The following PDE6B variants were observed in gnomAD, a reference collection of about 807,000 sequenced individuals.
PDE6B encodes the protein phosphodiesterase 6B, also known as rod cGMP-specific 3',5'-cyclic phosphodiesterase subunit beta.
A neutral mutation model predicts 109.0 loss-of-function variants in PDE6B; 106 were observed. The observed-to-expected ratio is 0.97, with a 90% CI of 0.83 to 1.14. The LOEUF (loss-of-function observed/expected upper bound fraction) is 1.14. Among genes scored for constraint, PDE6B ranks in the 50% most tolerant of loss-of-function variants. PDE6B has a pLI of 0.00. For missense variants in PDE6B, 1,193 were observed against 1,155.6 expected (o/e 1.03, Z -0.47); for synonymous variants, 490 against 471.3 (o/e 1.04, Z -0.51).
intron 3 of PDE6B, among the ~76,000 whole-genome samples, chr4:640,388 A>G (rs1307386593): frequency 3.3e-5 from 5 of 152,004 alleles, no homozygotes; most frequent in African/African-American, 1.2e-4. Flanking sequence ...AAAATATGAA[A>G]ATTAGCCAGG....
rs550337395 is a variant in PDE6B, at chr4:626,712, G to A, written c.468+618G>A. 8.5e-5 allele frequency among the ~76,000 whole-genome samples: 13 copies of A among 152,216 alleles called. No individual in the cohort carries two copies. Among genetic ancestry groups the A allele is most frequent in the Non-Finnish European group, 1.9e-4 (13 of 68,038 alleles). On this transcript the variant is annotated intron_variant, in intron 1 of 21. Transcript: ENST00000496514. This position sits in a 1 kb window ranked among gnomAD's most constrained non-coding sequence, Gnocchi z 4.6. ...CTGGGGAGGGACAAGAGACAGAATCGAGACAGGCTCACTGGAGTCACTGAA... is the reference window on the plus strand; with the variant it reads ...CTGGGGAGGGACAAGAGACAGAATCAAGACAGGCTCACTGGAGTCACTGAA...
At chr4:656,399 G>C in intron 8 of PDE6B, 107 bp downstream of exon 8, 1 of 818,748 alleles carries the variant, frequency 1.2e-6, no homozygotes, top group Non-Finnish European at 2.2e-6. Flanking sequence ...AACAACTTCA[G>C]CCAGGCATGG....
intron 3 of PDE6B, among the ~76,000 whole-genome samples, chr4:642,863 A>C (rs1301863744): frequency 1.3e-5 from 2 of 152,058 alleles, no homozygotes; most frequent in East Asian, 3.8e-4. Flanking sequence ...GGATTTTTCA[A>C]ATTTTTTTCT....
intron 3 of PDE6B, among the ~76,000 whole-genome samples, chr4:649,120 G>A (rs931273481): frequency 3.3e-5 from 5 of 152,236 alleles, no homozygotes; most frequent in Admixed American, 6.5e-5. Flanking sequence ...TCCGTCTGCC[G>A]TAGCGAAGCC....
At chr4:643,196 T>G (rs918780921) in intron 3 of PDE6B, among the ~76,000 whole-genome samples, 1 of 151,878 alleles carries the variant, frequency 6.6e-6, no homozygotes, top group African/African-American at 2.4e-5. Context: ...TAGTCCCAGC[T>G]ACTCAGGAGG....
At chr4:656,817 C>T (rs1462267705) in intron 8 of PDE6B, 57 bp from the exon 9 acceptor site, 62 of 1,579,968 alleles carry the variant, frequency 3.9e-5, no homozygotes, top group Non-Finnish European at 4.5e-5. Flanking sequence ...CCCGGCCACA[C>T]GCCCGGGCCA....
At chr4:657,065 C>A (rs769350787) in intron 9 of PDE6B, 42 bp downstream of exon 9, 2 of 1,598,550 alleles carry the variant, frequency 1.3e-6, no homozygotes, top group South Asian at 1.1e-5. Context: ...GGATGCCCTG[C>A]GAGGGGTGGG....
chr4:670,195 T>A lies in PDE6B; in HGVS notation c.*88T>A. 5 of 1,605,498 alleles carry A rather than the reference T, an allele frequency of 3.1e-6. No individual in the cohort carries two copies. The highest frequency in any genetic ancestry group is 4.3e-6 in the Non-Finnish European group (5 of 1,175,362). On this transcript the variant is annotated 3_prime_UTR_variant, in exon 22 of 22. Coordinates refer to ENST00000496514, the MANE Select transcript of PDE6B (RefSeq NM_000283.4). ...CCTGTGGCTATTTGCTACAAGAGGT[T>A]AGGAAGCCCAAGAAAATGACTGAAG...
At chr4:641,514 CCA>C (rs1194498356) in intron 3 of PDE6B, among the ~76,000 whole-genome samples, 4 of 152,238 alleles carry the variant, frequency 2.6e-5, no homozygotes, top group African/African-American at 9.6e-5. Context: ...ACCGTCACAG[CCA>C]CACTTTTAAA....
intron 3 of PDE6B, among the ~76,000 whole-genome samples, chr4:645,570 C>T (rs1439458982): frequency 6.6e-6 from 1 of 151,944 alleles, no homozygotes; most frequent in Non-Finnish European, 1.5e-5. Context: ...GCTGGGATTA[C>T]AGGCGTGAGC....
At position 625,769 on chromosome 4, in the gene PDE6B, G is replaced by A. The variant is rs113842820; in HGVS notation, c.143G>A (p.Arg48Gln). 7,236 of 1,613,426 alleles carry A rather than the reference G, an allele frequency of 4.5e-3. 267 individuals carry two copies. In the African/African-American group the frequency reaches 0.084, roughly 19 times the overall value. ...TGCCCGCCGGACTGCGACAGCCTCC[G>A]GGACCTCTGCCAGGTGGAGGAGAGC... ...DGCPPDCDSL[R>Q]DLCQVEESTA... The change falls in exon 1 of 22, where the codon CGG becomes CAG. Residue 48 changes from arginine to glutamine, a missense_variant. By Grantham distance (43) the Arg-to-Gln change is conservative (BLOSUM62 1). Transcript: ENST00000496514. This position sits in a 1 kb window ranked among gnomAD's most constrained non-coding sequence, Gnocchi z 5.0.
intron 5 of PDE6B, 174 bp downstream of exon 5, chr4:654,328 A>G (rs1484736256): frequency 1.4e-6 from 1 of 711,208 alleles, no homozygotes; most frequent in South Asian, 1.5e-5. Context: ...GCTGCACTCC[A>G]GGGATGGGGT....
At chr4:655,201 G>C in intron 6 of PDE6B, 1 of 443,646 alleles carries the variant, frequency 2.3e-6, no homozygotes, top group Non-Finnish European at 4.2e-6. Flanking sequence ...AGCAACAATT[G>C]AGCATGAAGG....
intron 3 of PDE6B, among the ~76,000 whole-genome samples, chr4:646,056 CATTT>C (rs1201081816): frequency 2.6e-5 from 4 of 151,984 alleles, no homozygotes; most frequent in Non-Finnish European, 4.4e-5. Context: ...GCTTTCCTGT[CATTT>C]ATTTATTTTC....
rs1171957489 is a variant in PDE6B, at chr4:665,288, C to T, written c.2227C>T (p.Gln743Ter). 6.2e-7 allele frequency: 1 copy of T among 1,612,808 alleles called. No individual in the cohort carries two copies. Among genetic ancestry groups the T allele is most frequent in the South Asian group, 1.1e-5 (1 of 91,078 alleles). ...TCTCGTGGCTGCTGAGTTCTGGGAG[C>T]AAGGTGACTTGGAAAGGACAGTCTT... The part of the protein sequence containing the change: ...ALLVAAEFWE[Q>*]GDLERTVLDQ... The change falls in exon 19 of 22, where the codon CAA (glutamine) becomes TAA (stop). Residue 743 changes from glutamine (Q) to a stop codon, truncating the protein, a stop_gained. Transcript: ENST00000496514. LOFTEE classifies it high-confidence loss of function. The surrounding 1 kb of genome is among the most constrained non-coding windows in gnomAD (Gnocchi z 4.0).
Position 635,884 on chromosome 4 carries a change from T to C in PDE6B, c.626T>C (p.Phe209Ser). ...TTGTTGCAATTCCTGTTTCAGGTGTTCTTGAAGTACCTGAATTTTGCCACG... is the reference window on the plus strand; with the variant it reads ...TTGTTGCAATTCCTGTTTCAGGTGTCCTTGAAGTACCTGAATTTTGCCACG... ...PFFTSEDEDV[F>S]LKYLNFATLY... Residue 209 changes from phenylalanine (F) to serine (S), a missense_variant, in exon 3 of 22, where the codon TTC becomes TCC. Transcript: ENST00000496514. 6.5e-7 allele frequency: 1 copy of C among 1,533,358 alleles called. No homozygotes were observed. The allele number at this position is 1,533,358 out of a possible 1,614,324, so 95.0% of individuals were successfully genotyped here.
rs368069770 is a variant in PDE6B, at chr4:657,468, G to A, written c.1375G>A (p.Asp459Asn). ...CATGGTCCTTTACCACGTGAAGTGC[G>A]ACAGGGACGAGATCCAGCTCATCCT... ...QDMVLYHVKC[D>N]RDEIQLILPT... Residue 459 changes from aspartate (D) to asparagine (N), a missense_variant, in exon 10 of 22, where the codon GAC becomes AAC. Transcript: ENST00000496514. 34 of 1,613,326 alleles carry A rather than the reference G, an allele frequency of 2.1e-5. No individual in the cohort carries two copies. Among genetic ancestry groups the A allele is most frequent in the African/African-American group, 9.3e-5 (7 of 75,038 alleles).
chr4:667,965 TGGA>T lies in PDE6B; in HGVS notation c.2467_2469del (p.Glu823del), dbSNP rs1560141165. ...GAGTATGAGGCCAAAGTGAAGGCTC[TGGA>T]GGAGAAGGAGGAGGAGGAGAGGGTG... On this transcript the variant is annotated inframe_deletion, in exon 21 of 22. Coordinates refer to ENST00000496514, the MANE Select transcript of PDE6B (RefSeq NM_000283.4). 2.5e-6 allele frequency: 4 copies of T among 1,613,060 alleles called. No individual in the cohort carries two copies. The highest frequency in any genetic ancestry group is 1.7e-5 in the Admixed American group (1 of 59,990).
At position 636,817 on chromosome 4, in the gene PDE6B, C is replaced by T. The variant is rs1296792195; in HGVS notation, c.711+848C>T. Among the ~76,000 whole-genome samples the T allele has an allele frequency of 6.6e-6, 1 of 152,216 alleles. No homozygotes were observed. The highest frequency in any genetic ancestry group is 2.4e-5 in the African/African-American group (1 of 41,470). Reference sequence around the variant, plus strand: ...TAGGGGCCTCCTCCTGGCCCCAGGGCTGCCTCAGGGGCAGTCTGGAAAGGC... The same window carrying T: ...TAGGGGCCTCCTCCTGGCCCCAGGGTTGCCTCAGGGGCAGTCTGGAAAGGC... On this transcript the variant is annotated intron_variant, in intron 3 of 21. Coordinates refer to ENST00000496514, the MANE Select transcript of PDE6B (RefSeq NM_000283.4). This position sits in a 1 kb window ranked among gnomAD's most constrained non-coding sequence, Gnocchi z 4.5.
Sources: allele counts gnomAD v4.1 joint callset (sites outside exome capture counted in the v4.1 genomes callset), GRCh38; gene constraint gnomAD v4.1.1; non-coding constraint Gnocchi (gnomAD v3.1); transcripts MANE v1.5; gene names NCBI Gene and HGNC (gene_info 2026-07-23, HGNC 2026-07-21).